The following RNF114 variants were observed in gnomAD, a reference collection of about 807,000 sequenced individuals.
RNF114 encodes the protein E3 ubiquitin-protein ligase RNF114.
Under a neutral mutation model 28.4 loss-of-function variants are expected in RNF114, and 6 were observed. That is an observed-to-expected ratio of 0.21 (90% CI 0.12 to 0.42). The LOEUF is 0.42. RNF114 is among the 10% of genes least tolerant of loss of function. The pLI is 1.00. For missense variants in RNF114, 249 were observed against 311.7 expected, an observed-to-expected ratio of 0.80 and a Z score of 1.51; for synonymous variants, 115 against 116.7, an observed-to-expected ratio of 0.99 and a Z score of 0.09.
At chr20:49,946,357 A>G in intron 4 of RNF114, 107 bp downstream of exon 4, 1 of 607,846 alleles carries the variant, frequency 1.6e-6, no homozygotes, top group Non-Finnish European at 2.9e-6. Flanking sequence ...CTTCACCTAG[A>G]TTGACAGATT....
rs189563704 is a variant in RNF114 at position 49,943,682 on chromosome 20, G to A, written c.292-1700G>A. Among the ~76,000 whole-genome samples the A allele has an allele frequency of 7.4e-3, 799 of 107,418 alleles. 7 individuals carry two copies. Among genetic ancestry groups the A allele is most frequent in the Middle Eastern group, 0.028 (4 of 144 alleles). 70.5% of individuals were successfully genotyped at this position (107,418 alleles called of 152,430 possible). A position where few individuals can be genotyped will look rare whatever the true frequency, so the allele number is the denominator to read the frequency against. ...TTTTTTTTTTTTTTTTTTTTGAGAC[G>A]GAGTCTCACTCTGTTGCCCAGGCTG... On this transcript the variant is annotated intron_variant, in intron 2 of 5. Transcript: ENST00000244061.
intron 5 of RNF114, among the ~76,000 whole-genome samples, chr20:49,950,503 A>G (rs2090351236): frequency 6.6e-6 from 1 of 152,044 alleles, no homozygotes. Flanking sequence ...CAACATGGGA[A>G]AACCTTGTCT....
rs1555858070 is a variant in RNF114, at chr20:49,950,691, A to AAC, written c.621+1337_621+1338insCA. 2.6e-5 allele frequency among the ~76,000 whole-genome samples: 4 copies of AAC among 151,296 alleles called. No individual in the cohort carries two copies. In the East Asian group the frequency reaches 7.8e-4, roughly 30 times the overall value. ...GAATGAGACCCTGTCTCAAAAAAAA[A>AAC]AAAAAAAAACAAAACACACACACAC... is the stretch of plus-strand genomic sequence containing the variant. On this transcript the variant is annotated intron_variant, in intron 5 of 5. Transcript: ENST00000244061.
intron 1 of RNF114, 23 bp from the exon 2 acceptor site, chr20:49,941,538 G>C (rs1160156152): frequency 6.4e-7 from 1 of 1,555,326 alleles, no homozygotes; most frequent in South Asian, 1.2e-5. Context: ...CGTGACAGAG[G>C]TTCTCTGTAT....
chr20:49,944,687 C>A (rs2090322154), intron 2 of RNF114: 1 of 152,218 alleles, frequency 6.6e-6, no homozygotes, highest in South Asian at 2.1e-4. Flanking sequence ...TCGAGACCAG[C>A]CTGGCTAACG....
At chr20:49,947,730 GC>G (rs1450596079) in intron 4 of RNF114, among the ~76,000 whole-genome samples, 3 of 139,166 alleles carry the variant, frequency 2.2e-5, no homozygotes, top group African/African-American at 8.2e-5. Flanking sequence ...CTTCTCTTCA[GC>G]CTTTGGCCCT....
chr20:49,952,556 T>C lies in RNF114; in HGVS notation c.*415T>C, dbSNP rs1600873895. ...AGCACAATGAAGCAAGTGTCTCCTT[T>C]CCTTGTCCCCAAGGTGTGCAGACTT... On this transcript the variant is annotated 3_prime_UTR_variant, in exon 6 of 6. Transcript: ENST00000244061. 1 of 297,728 alleles carries C rather than the reference T, an allele frequency of 3.4e-6. No homozygotes were observed. The highest frequency in any genetic ancestry group is 5.7e-5 in the East Asian group (1 of 17,422). 18.4% of individuals were successfully genotyped at this position (297,728 alleles called of 1,614,324 possible).
At position 49,936,549 on chromosome 20, in the gene RNF114, A is replaced by G; in HGVS notation, c.137A>G (p.His46Arg). The change falls in exon 1 of 6, where the codon CAC becomes CGC. Residue 46 changes from histidine (H) to arginine (R), a missense_variant. His to Arg is a conservative substitution (Grantham distance 29). Around this residue, in one of 2 missense-constraint regions of RNF114, gnomAD observed 123 missense variants for 106.4 expected, o/e 1.16. Coordinates refer to ENST00000244061, the MANE Select transcript of RNF114 (RefSeq NM_018683.4). ...YEKPVQVPCG[H>R]VFCSACLQEC... Reference sequence around the variant, plus strand: ...AAGCCGGTACAGGTGCCCTGCGGACACGTGTAAGCGGCGAGCCCGGGCCTG... The same window carrying G: ...AAGCCGGTACAGGTGCCCTGCGGACGCGTGTAAGCGGCGAGCCCGGGCCTG... 1 of 1,586,966 alleles carries G rather than the reference A, an allele frequency of 6.3e-7. No homozygotes were observed. Among genetic ancestry groups the G allele is most frequent in the Non-Finnish European group, 8.6e-7 (1 of 1,168,088 alleles).
chr20:49,951,901 G>A (rs1473754177), intron 5 of RNF114, among the ~76,000 whole-genome samples, 175 bp from the exon 6 acceptor site: 1 of 151,916 alleles, frequency 6.6e-6, no homozygotes, highest in Non-Finnish European at 1.5e-5. Flanking sequence ...GAAGGCAGCA[G>A]AGACAGATTA....
chr20:49,948,639 T>C (rs541676302), intron 4 of RNF114, among the ~76,000 whole-genome samples: 9 of 152,114 alleles, frequency 5.9e-5, no homozygotes, highest in African/African-American at 1.9e-4. Flanking sequence ...TGTTTCACTA[T>C]GTTGGCCAGG....
intron 1 of RNF114, among the ~76,000 whole-genome samples, chr20:49,939,718 T>C (rs1043788604): frequency 6.6e-6 from 1 of 151,780 alleles, no homozygotes; most frequent in Non-Finnish European, 1.5e-5. Flanking sequence ...GCCATCTGTT[T>C]GGTTTCTACT....
At chr20:49,949,148 A>G in intron 4 of RNF114, 100 bp from the exon 5 acceptor site, 1 of 917,488 alleles carries the variant, frequency 1.1e-6, no homozygotes, top group Non-Finnish European at 1.8e-6. Flanking sequence ...ACAGTATGTC[A>G]GGAAAGCTGT....
In RNF114 at chr20:49,952,303, G is replaced by T. The variant is rs2090358106; in HGVS notation, c.*162G>T. 1 of 651,384 alleles carries T rather than the reference G, an allele frequency of 1.5e-6. No homozygotes were observed. The highest frequency in any genetic ancestry group is 2.2e-5 in the Admixed American group (1 of 44,784). The allele number at this position is 651,384 out of a possible 1,614,324, so 40.4% of individuals were successfully genotyped here. On this transcript the variant is annotated 3_prime_UTR_variant, in exon 6 of 6. Coordinates refer to ENST00000244061, the MANE Select transcript of RNF114 (RefSeq NM_018683.4). ...ACAGGGGAAGTGGGTCCCCAGGTCA[G>T]CCCTTCTCTTCCCTTTGGGCTCTTG... is the stretch of plus-strand genomic sequence containing the variant.
intron 3 of RNF114, 68 bp downstream of exon 3, chr20:49,945,556 C>A: frequency 2.8e-6 from 1 of 356,636 alleles, no homozygotes. Context: ...GTTGCATGCC[C>A]AGGGGTTTAG....
intron 5 of RNF114, among the ~76,000 whole-genome samples, chr20:49,949,950 A>G (rs1256174806): frequency 4.2e-5 from 6 of 142,580 alleles, no homozygotes; most frequent in Admixed American, 4.1e-4. Flanking sequence ...GCCCAGAGTG[A>G]CATTTAAGAA....
At position 49,953,454 on chromosome 20, in the gene RNF114, G is replaced by A. The variant is rs891120551; in HGVS notation, c.*1313G>A. The A allele has an allele frequency of 2.0e-5, 3 of 152,238 alleles. No homozygotes were observed. The highest frequency in any genetic ancestry group is 7.2e-5 in the African/African-American group (3 of 41,470). 9.4% of individuals were successfully genotyped at this position (152,238 alleles called of 1,614,324 possible). ...TGGTTTTTTGATGTCATATGTCTCT[G>A]ATGGGGCTGCAAGTGCTACCTCGCG... On this transcript the variant is annotated 3_prime_UTR_variant, in exon 6 of 6. Transcript: ENST00000244061.
At chr20:49,941,386 G>A (rs1209496407) in intron 1 of RNF114, among the ~76,000 whole-genome samples, 175 bp from the exon 2 acceptor site, 3 of 152,198 alleles carry the variant, frequency 2.0e-5, no homozygotes, top group Admixed American at 1.3e-4. Flanking sequence ...GTTCTTTGTA[G>A]TCCACTCCTA....
chr20:49,943,690 A>T (rs1177637706), intron 2 of RNF114, among the ~76,000 whole-genome samples: 25 of 108,418 alleles, frequency 2.3e-4, no homozygotes, highest in Admixed American at 4.3e-4. Context: ...ACGGAGTCTC[A>T]CTCTGTTGCC....
In RNF114 at chr20:49,936,577, C is replaced by T. The variant is rs180770679; in HGVS notation, c.140+25C>T. ...TGTAAGCGGCGAGCCCGGGCCTGGT[C>T]GGGGGGCGCTTAACTGGGAAGGGAA... On this transcript the variant is annotated intron_variant, in intron 1 of 5. Transcript: ENST00000244061. The T allele has an allele frequency of 6.2e-4, 972 of 1,573,566 alleles. 2 individuals carry two copies. In the African/African-American group the frequency reaches 0.01, roughly 16 times the overall value.
Sources: gnomAD v4.1 joint callset for allele counts (sites outside exome capture counted in the v4.1 genomes callset) on GRCh38, gnomAD v4.1.1 for gene constraint, gnomAD v4.1.1 regional missense constraint, MANE v1.5 for transcripts, NCBI Gene and HGNC (gene_info 2026-07-23, HGNC 2026-07-21) for gene names.